PCDH15: variants seen among roughly 807,000 people sequenced by gnomAD.
The protein encoded by PCDH15 is protocadherin-15.
Under a neutral mutation model 178.5 loss-of-function variants are expected in PCDH15, and 129 were observed. The ratio of observed to expected loss-of-function variants is 0.72; its 90% CI spans 0.63 to 0.84. The LOEUF is 0.84. Ranked by LOEUF, PCDH15 falls within the 40% of genes least tolerant of loss-of-function variation. The probability of loss-of-function intolerance (pLI) is 0.00; values close to 1 mark genes in which losing one functional copy is unlikely to be tolerated. For missense variants in PCDH15, 2,230 were observed against 2,099.9 expected (o/e 1.06, Z -1.21); for synonymous variants, 800 against 732.0 (o/e 1.09, Z -1.50).
chr10:53,891,238 C>A (rs1466519169), intron 26 of PCDH15, among the ~76,000 whole-genome samples: 2 of 152,176 alleles, frequency 1.3e-5, no homozygotes, highest in South Asian at 2.1e-4. Context: ...CCTTGCAATG[C>A]AGCCTTCACT....
At chr10:55,520,274 G>GTGTATATATATATACACGCAATA (rs1365765543) in intron 2 of PCDH15, among the ~76,000 whole-genome samples, 14 of 94,918 alleles carry the variant, frequency 1.5e-4, no homozygotes, top group Admixed American at 2.2e-4. Context: ...TACACGCAAT[G>GTGTATATATATATACACGCAATA]TGTATATATA....
chr10:54,268,426 G>A (rs372963028), intron 8 of PCDH15, among the ~76,000 whole-genome samples: 4 of 152,026 alleles, frequency 2.6e-5, no homozygotes, highest in African/African-American at 9.6e-5. Flanking sequence ...ATTGACAAGT[G>A]AGACCAAATT....
intron 1 of PCDH15, among the ~76,000 whole-genome samples, chr10:54,691,869 T>C (rs1168184608): frequency 6.6e-6 from 1 of 152,074 alleles, no homozygotes; most frequent in Non-Finnish European, 1.5e-5. Context: ...ATCTTTTATA[T>C]GAGAACAGAA....
At chr10:54,440,439 A>G (rs2075728267) in intron 3 of PCDH15, among the ~76,000 whole-genome samples, 1 of 152,008 alleles carries the variant, frequency 6.6e-6, no homozygotes, top group Admixed American at 6.6e-5. Flanking sequence ...TAAATTACAT[A>G]TGAAAATTCT....
At chr10:54,877,833 A>C (rs149145333) in intron 3 of PCDH15, among the ~76,000 whole-genome samples, 33 of 151,986 alleles carry the variant, frequency 2.2e-4, no homozygotes, top group African/African-American at 7.2e-4. Flanking sequence ...TTTTCTAAGC[A>C]TTATATAAGA....
chr10:53,822,227 A>C, intron 32 of PCDH15: 1 of 1,614,014 alleles, frequency 6.2e-7, no homozygotes, highest in Non-Finnish European at 8.5e-7. Context: ...ACAGAAATGA[A>C]GCTGAAGGAG....
intron 3 of PCDH15, among the ~76,000 whole-genome samples, chr10:54,825,981 C>T (rs1953125653): frequency 6.6e-6 from 1 of 151,954 alleles, no homozygotes. Flanking sequence ...GTCCATTATG[C>T]CATTAATTTA....
At chr10:54,055,144 C>T (rs1468449510) in intron 18 of PCDH15, among the ~76,000 whole-genome samples, 1 of 152,120 alleles carries the variant, frequency 6.6e-6, no homozygotes, top group Non-Finnish European at 1.5e-5. Flanking sequence ...CCCTTCCAAA[C>T]ACTGTAGTTT....
At chr10:55,010,212 TAATA>T (rs550481057) in intron 2 of PCDH15, among the ~76,000 whole-genome samples, 3 of 151,778 alleles carry the variant, frequency 2.0e-5, no homozygotes, top group Non-Finnish European at 2.9e-5. Context: ...AAGGAAGAAA[TAATA>T]AATAAATAAA....
At chr10:53,925,206 T>C (rs1256261805) in intron 25 of PCDH15, among the ~76,000 whole-genome samples, 1 of 152,042 alleles carries the variant, frequency 6.6e-6, no homozygotes, top group Non-Finnish European at 1.5e-5. Context: ...TTATGAACTG[T>C]AACACTCACC....
intron 1 of PCDH15, among the ~76,000 whole-genome samples, chr10:55,198,154 T>C (rs2132155086): frequency 6.6e-6 from 1 of 152,254 alleles, no homozygotes; most frequent in South Asian, 2.1e-4. Flanking sequence ...TCTTCTTCAC[T>C]GTTAAGGTAG....
intron 2 of PCDH15, among the ~76,000 whole-genome samples, chr10:55,547,981 G>A (rs1283143791): frequency 6.6e-6 from 1 of 150,680 alleles, no homozygotes; most frequent in Non-Finnish European, 1.5e-5. Context: ...GAGCTGACGA[G>A]GCCTAGATAT....
chr10:53,818,973 C>CTGTT (rs1021933145), intron 33 of PCDH15, among the ~76,000 whole-genome samples: 33 of 151,694 alleles, frequency 2.2e-4, no homozygotes, highest in African/African-American at 5.1e-4. Context: ...TATATTGAAA[C>CTGTT]TGTTTGTAAA....
At chr10:54,600,612 C>G in intron 2 of PCDH15, 1 of 578,540 alleles carries the variant, frequency 1.7e-6, no homozygotes. Context: ...TGAGGAGAAA[C>G]CAGTGTCTAC....
rs1191247221 is a variant in PCDH15 at position 54,358,896 on chromosome 10, T to C, written c.474+10224A>G. On this transcript the variant is annotated intron_variant, in intron 5 of 37. Coordinates refer to ENST00000644397, the MANE Select transcript of PCDH15 (RefSeq NM_001384140.1). Reference sequence around the variant, plus strand: ...TGAAACTGGAAATCATCATTCTCAGTAAACTATTGCAAGAACAAAAAACCA... The same window carrying C: ...TGAAACTGGAAATCATCATTCTCAGCAAACTATTGCAAGAACAAAAAACCA... Among the ~76,000 whole-genome samples, 15 of 151,160 alleles carry C rather than the reference T, an allele frequency of 9.9e-5. No individual in the cohort carries two copies. In the South Asian group the frequency reaches 3.1e-3, roughly 32 times the overall value.
At chr10:54,771,467 C>A (rs1181497372) in intron 1 of PCDH15, among the ~76,000 whole-genome samples, 1 of 152,012 alleles carries the variant, frequency 6.6e-6, no homozygotes, top group Non-Finnish European at 1.5e-5. Flanking sequence ...AGGTTATTAT[C>A]ATAAGACAAA....
chr10:54,512,627 T>C (rs1189802720), intron 3 of PCDH15, among the ~76,000 whole-genome samples: 1 of 152,112 alleles, frequency 6.6e-6, no homozygotes, highest in Non-Finnish European at 1.5e-5. Flanking sequence ...TCACATAACA[T>C]ATTGATGTTT....
At chr10:55,023,970 TTA>T in intron 2 of PCDH15, among the ~76,000 whole-genome samples, 1 of 149,284 alleles carries the variant, frequency 6.7e-6, no homozygotes, top group Non-Finnish European at 1.5e-5. Flanking sequence ...GAAAGAGATT[TTA>T]TATATATGAT....
At chr10:54,309,355 A>ACACT (rs958225757) in intron 8 of PCDH15, among the ~76,000 whole-genome samples, 11 of 145,510 alleles carry the variant, frequency 7.6e-5, no homozygotes, top group Admixed American at 4.1e-4. Context: ...ACACACACAC[A>ACACT]CTTCACATAT....
Sources: gnomAD v4.1 joint callset for allele counts (sites outside exome capture counted in the v4.1 genomes callset) on GRCh38, gnomAD v4.1.1 for gene constraint, MANE v1.5 for transcripts, NCBI Gene and HGNC (gene_info 2026-07-23, HGNC 2026-07-21) for gene names.